ATAD3B: variants seen among roughly 807,000 people sequenced by gnomAD.
ATAD3B encodes ATPase family AAA domain-containing protein 3B.
In ATAD3B, 59 loss-of-function variants were observed where a neutral mutation model predicts 70.2. The ratio of observed to expected loss-of-function variants is 0.84; its 90% CI spans 0.68 to 1.04. The LOEUF (loss-of-function observed/expected upper bound fraction) is 1.04. Ranked by LOEUF, ATAD3B falls within the 50% of genes least tolerant of loss-of-function variation. The probability of loss-of-function intolerance (pLI) is 0.00; values close to 1 mark genes in which losing one functional copy is unlikely to be tolerated. For missense variants in ATAD3B, 961 were observed against 913.4 expected (o/e 1.05, Z -0.67); for synonymous variants, 423 against 388.6 (o/e 1.09, Z -1.04).
In ATAD3B at chr1:1,489,507, C is replaced by T. The variant is rs184422403; in HGVS notation, c.1337+233C>T. 8.3e-4 allele frequency: 807 copies of T among 976,334 alleles called. 5 individuals are homozygous for T. Among genetic ancestry groups the T allele is most frequent in the East Asian group, 7.1e-3 (262 of 36,836 alleles). 60.5% of individuals were successfully genotyped at this position (976,334 alleles called of 1,614,324 possible). Reference sequence around the variant, plus strand: ...TCAGTCCTGTCTTCACGGCCCTGTGCGCCGCCGCCCCAGCTTGCAGGTCCC... The same window carrying T: ...TCAGTCCTGTCTTCACGGCCCTGTGTGCCGCCGCCCCAGCTTGCAGGTCCC... On this transcript the variant is annotated intron_variant, in intron 13 of 15. Transcript: ENST00000673477.
the ATAD3B span, chr1:1,509,375 C>T: frequency 1.4e-5 from 23 of 1,605,002 alleles, 1 homozygote; most frequent in Middle Eastern, 1.7e-4. Flanking sequence ...CCACACCTCA[C>T]GGAGCCTGGC....
chr1:1,503,719 G>C, the ATAD3B span: 6 of 1,597,744 alleles, frequency 3.8e-6, no homozygotes, highest in Non-Finnish European at 5.1e-6. Flanking sequence ...CGGGCATGGA[G>C]ATTGGTAGGG....
At chr1:1,486,073 C>T (rs749991748) in intron 9 of ATAD3B, 37 bp from the exon 10 acceptor site, 3 of 1,612,584 alleles carry the variant, frequency 1.9e-6, no homozygotes, top group South Asian at 1.1e-5. Flanking sequence ...TCCGTGGGTG[C>T]AGAGTGTCTC....
chr1:1,484,459 G>C (rs1246945934), intron 7 of ATAD3B: 1 of 152,728 alleles, frequency 6.5e-6, no homozygotes, highest in Non-Finnish European at 1.5e-5. Flanking sequence ...GGGATTACGG[G>C]CGTGAGCCAC....
chr1:1,496,392 CGCCTGCG>C lies in ATAD3B; in HGVS notation c.*576_*582del. 6.0e-6 allele frequency: 2 copies of C among 331,510 alleles called. No homozygotes were observed. The highest frequency in any genetic ancestry group is 8.6e-6 in the Non-Finnish European group (2 of 231,976). The allele number at this position is 331,510 out of a possible 1,614,324, so 20.5% of individuals were successfully genotyped here. ...GGGTCTGAATGCTGCCCGGGACTGC[CGCCTGCG>C]CCCCACCAGCCCCTCCCTCCTGAAG... On this transcript the variant is annotated 3_prime_UTR_variant, in exon 16 of 16. Transcript: ENST00000673477.
chr1:1,475,170 C>G (rs1327952006), intron 1 of ATAD3B, among the ~76,000 whole-genome samples: 1 of 149,888 alleles, frequency 6.7e-6, no homozygotes, highest in Non-Finnish European at 1.5e-5. Flanking sequence ...TTGGTCTGCC[C>G]TCTCTGTGGT....
At position 1,485,138 on chromosome 1, in the gene ATAD3B, C is replaced by A. The variant is rs1411556831; in HGVS notation, c.873C>A (p.Ile291=). Residue 291 remains isoleucine (I), a synonymous_variant, in exon 8 of 16, where the codon ATC becomes ATA. Transcript: ENST00000673477. ...CCCTAGTGAGGGAGACGTCCCGCAT[C>A]ACGGTGCTGGAGGCGCTGCGGCACC... ...KPSLVRETSR[I]TVLEALRHPI... is the part of the protein sequence containing the mutation. 6.2e-7 allele frequency: 1 copy of A among 1,610,582 alleles called. No homozygotes were observed. Among genetic ancestry groups the A allele is most frequent in the Non-Finnish European group, 8.5e-7 (1 of 1,179,478 alleles).
At chr1:1,505,476 A>T in the ATAD3B span, among the ~76,000 whole-genome samples, 1 of 152,186 alleles carries the variant, frequency 6.6e-6, no homozygotes, top group African/African-American at 2.4e-5. Context: ...ACCCTCCACA[A>T]GAGGTGGAGG....
rs1640176854 is a variant in ATAD3B at position 1,485,784 on chromosome 1, C to T, written c.909C>T (p.Val303=). The part of the protein sequence containing the change: ...VLEALRHPIQ[V]SRRLLSRPQD... ...TGCTTCCCCTTCCCCTCCGGCAGGT[C>T]AGCCGGCGGCTCCTCAGTCGACCCC... The change falls in exon 9 of 16, where the codon GTC becomes GTT. Residue 303 remains valine (V), a splice_region_variant and synonymous_variant. Coordinates refer to ENST00000673477, the MANE Select transcript of ATAD3B (RefSeq NM_031921.6). 1.2e-5 allele frequency: 20 copies of T among 1,613,014 alleles called. 1 individual carries two copies. The highest frequency in any genetic ancestry group is 1.6e-5 in the Non-Finnish European group (19 of 1,179,422).
rs1177995346 is a variant in ATAD3B at position 1,474,659 on chromosome 1, C to G, written c.205+2570C>G. On this transcript the variant is annotated intron_variant, in intron 1 of 15. Coordinates refer to ENST00000673477, the MANE Select transcript of ATAD3B (RefSeq NM_031921.6). ...GGATCACAGGCGCCCGCCAGCACACCTGGCTAATTTTTGTGTTTTTTTACT... is the reference window on the plus strand; with the variant it reads ...GGATCACAGGCGCCCGCCAGCACACGTGGCTAATTTTTGTGTTTTTTTACT... Among the ~76,000 whole-genome samples the G allele has an allele frequency of 5.9e-5, 9 of 152,078 alleles. No homozygotes were observed. The South Asian group carries it at 8.3e-4, about 14-fold the overall frequency.
Position 1,495,817 on chromosome 1 carries a change from G to A in ATAD3B, c.1947G>A (p.Ter649=), listed in dbSNP as rs1351280871. 1 of 1,569,456 alleles carries A rather than the reference G, an allele frequency of 6.4e-7. No individual in the cohort carries two copies. Among genetic ancestry groups the A allele is most frequent in the Non-Finnish European group, 8.6e-7 (1 of 1,158,730 alleles). Residue 649 remains the stop codon, a stop_retained_variant, in exon 16 of 16, where the codon TAG becomes TAA. Transcript: ENST00000673477. ...PFCPPGHPLL[*] ...GCCCCCCAGGGCACCCCCTGTTGTA[G>A]GCACTGGCTAGGGAGGGGCAGGCCT...
In ATAD3B at chr1:1,472,029, A is replaced by G. The variant is rs1251625600; in HGVS notation, c.145A>G (p.Asn49Asp). The change falls in exon 1 of 16, where the codon AAC becomes GAC. Residue 49 changes from asparagine to aspartate, a missense_variant. Transcript: ENST00000673477. The stretch of plus-strand genomic sequence containing the variant: ...GCCGGCGCCCAAGGACAAATGGAGC[A>G]ACTTCGACCCCACCGGCCTGGAGCG... ...DRPAPKDKWS[N>D]FDPTGLERAA... 3 of 1,235,020 alleles carry G rather than the reference A, an allele frequency of 2.4e-6. No homozygotes were observed. The highest frequency in any genetic ancestry group is 1.6e-5 in the African/African-American group (1 of 62,140). 76.5% of individuals were successfully genotyped at this position (1,235,020 alleles called of 1,614,324 possible). A position where few individuals can be genotyped will look rare whatever the true frequency, so the allele number is the denominator to read the frequency against.
At chr1:1,477,852 C>T (rs12122387) in intron 2 of ATAD3B, among the ~76,000 whole-genome samples, 163 of 5,026 alleles carry the variant, frequency 0.032, 2 homozygotes, top group African/African-American at 0.042. Context: ...ATTACAGGCA[C>T]GCGCCACCAC....
chr1:1,488,728 C>T (rs1049811251), intron 12 of ATAD3B, among the ~76,000 whole-genome samples: 2 of 151,712 alleles, frequency 1.3e-5, no homozygotes, highest in East Asian at 1.9e-4. Flanking sequence ...CACTGCACTC[C>T]AGACTGAGAG....
At chr1:1,493,750 T>C (rs531572467) in intron 15 of ATAD3B, among the ~76,000 whole-genome samples, 2 of 151,966 alleles carry the variant, frequency 1.3e-5, no homozygotes, top group Non-Finnish European at 2.9e-5. Context: ...TATTGAACTA[T>C]CCTTGCATTC....
chr1:1,501,689 C>CCTCTTAA (rs976648126), downstream of ATAD3B, among the ~76,000 whole-genome samples: 3 of 152,084 alleles, frequency 2.0e-5, no homozygotes, highest in African/African-American at 7.2e-5. Context: ...CAGAGCCTGG[C>CCTCTTAA]CTCTATTTCC....
At chr1:1,501,793 C>T (rs566951689), downstream of ATAD3B, among the ~76,000 whole-genome samples, 12 of 152,326 alleles carry the variant, frequency 7.9e-5, no homozygotes, top group Middle Eastern at 3.4e-3. Context: ...TAATGCACTA[C>T]GGCAGTCCGT....
At chr1:1,487,658 C>T (rs1250150278) in intron 11 of ATAD3B, among the ~76,000 whole-genome samples, 4 of 151,924 alleles carry the variant, frequency 2.6e-5, no homozygotes, top group Admixed American at 1.3e-4. Context: ...TGGTTTCCCA[C>T]TGCCTTCTGA....
At chr1:1,482,897 A>G (rs1168764626) in intron 7 of ATAD3B, 16 of 514,798 alleles carry the variant, frequency 3.1e-5, no homozygotes, top group Non-Finnish European at 7.3e-6. Flanking sequence ...GCTACTCGAG[A>G]GGCTGAGGTA....
Sources: gnomAD v4.1 joint callset for allele counts (sites outside exome capture counted in the v4.1 genomes callset) on GRCh38, gnomAD v4.1.1 for gene constraint, MANE v1.5 for transcripts, NCBI Gene and HGNC (gene_info 2026-07-23, HGNC 2026-07-21) for gene names.